Variants in NUGGC observed in about 807,000 individuals in gnomAD.
NUGGC encodes nuclear GTPase, germinal center associated, also known as nuclear GTPase SLIP-GC.
In NUGGC, 58 loss-of-function variants were observed where a neutral mutation model predicts 92.6. The observed-to-expected ratio is 0.63, with a 90% CI of 0.51 to 0.78. NUGGC has a LOEUF of 0.78. NUGGC is among the 30% of genes least tolerant of loss of function. The pLI, the probability that NUGGC is intolerant of heterozygous loss-of-function variation, is 0.00. For missense variants in NUGGC, 925 were observed against 964.6 expected (o/e 0.96, Z 0.54); for synonymous variants, 376 against 366.4 (o/e 1.03, Z -0.30).
In NUGGC at chr8:28,023,269, C is replaced by T. The variant is rs186710959; in HGVS notation, c.*48G>A. 67 of 1,574,600 alleles carry T rather than the reference C, an allele frequency of 4.3e-5. 1 individual carries two copies. The Middle Eastern group carries it at 5.1e-4, about 12-fold the overall frequency. On this transcript the variant is annotated 3_prime_UTR_variant, in exon 19 of 19. Coordinates refer to ENST00000413272, the MANE Select transcript of NUGGC (RefSeq NM_001010906.2). ...AAGAACAAAAAAAGTAATTCTAATT[C>T]TCTGGCTCTGGGCTGATTTTTCATC...
intron 1 of NUGGC, among the ~76,000 whole-genome samples, chr8:28,083,026 C>A (rs1017295769): frequency 2.0e-5 from 3 of 152,148 alleles, no homozygotes; most frequent in Non-Finnish European, 4.4e-5. Context: ...GTCCCATATA[C>A]AGAAGAATTC....
At position 28,032,628 on chromosome 8, in the gene NUGGC, G is replaced by A. The variant is rs548402983; in HGVS notation, c.1769+912C>T. 5.3e-5 allele frequency among the ~76,000 whole-genome samples: 8 copies of A among 151,072 alleles called. No individual in the cohort carries two copies. The East Asian group carries it at 1.6e-3, about 30-fold the overall frequency. On this transcript the variant is annotated intron_variant, in intron 14 of 18. Transcript: ENST00000413272. ...AGCTACTCGGGAGGCTGAGGCAGGA[G>A]AATGGTGTGAACCCAGGAGGCAGAG...
chr8:28,027,093 C>T (rs1563212605), intron 17 of NUGGC, 41 bp from the exon 18 acceptor site: 1 of 1,492,264 alleles, frequency 6.7e-7, no homozygotes, highest in African/African-American at 1.4e-5. Flanking sequence ...ATGGTGCAGC[C>T]CAAGGAAAAG....
chr8:28,064,581 G>C lies in NUGGC; in HGVS notation c.862C>G (p.Leu288Val). The stretch of plus-strand genomic sequence containing the variant: ...TCGCCTGTGCCTGGGATGTCCACCA[G>C]CACGACCCCTTCTGGGATCAGGTCG... ...KSDLIPEGVV[L>V]VDIPGTGDFN... Residue 288 changes from leucine to valine, a missense_variant, in exon 7 of 19, where the codon CTG (leucine) becomes GTG (valine). Leu to Val is a conservative substitution (Grantham distance 32, BLOSUM62 1). Transcript: ENST00000413272. The C allele has an allele frequency of 6.2e-7, 1 of 1,614,034 alleles. No individual in the cohort carries two copies. Among genetic ancestry groups the C allele is most frequent in the Non-Finnish European group, 8.5e-7 (1 of 1,179,902 alleles).
intron 3 of NUGGC, 90 bp downstream of exon 3, chr8:28,070,162 T>C (rs1245674746): frequency 6.8e-7 from 1 of 1,479,772 alleles, no homozygotes; most frequent in East Asian, 2.5e-5. Flanking sequence ...TTCATCCAGC[T>C]TCAGAATTTA....
At chr8:28,072,406 T>C (rs979166950) in intron 2 of NUGGC, among the ~76,000 whole-genome samples, 1 of 152,162 alleles carries the variant, frequency 6.6e-6, no homozygotes, top group Non-Finnish European at 1.5e-5. Context: ...CGAAAAAGCA[T>C]CTCAGAACTC....
At chr8:28,034,899 C>T (rs760337766) in intron 13 of NUGGC, among the ~76,000 whole-genome samples, 3 of 152,186 alleles carry the variant, frequency 2.0e-5, no homozygotes, top group East Asian at 1.9e-4. Context: ...TTACCTCTCT[C>T]TTGTTCTTAG....
chr8:28,062,877 G>A (rs1175943094), intron 7 of NUGGC, among the ~76,000 whole-genome samples: 1 of 152,196 alleles, frequency 6.6e-6, no homozygotes, highest in Non-Finnish European at 1.5e-5. Context: ...CCACTGCCAG[G>A]GTTTGGTAAA....
intron 13 of NUGGC, among the ~76,000 whole-genome samples, chr8:28,035,244 CTATCTAAGGTCACTTCTT>C (rs1258073348): frequency 2.6e-5 from 4 of 152,160 alleles, no homozygotes; most frequent in Non-Finnish European, 4.4e-5. Flanking sequence ...AGAAACAGCT[CTATCTAAGGTCACTTCTT>C]TATCTATTGC....
intron 12 of NUGGC, among the ~76,000 whole-genome samples, chr8:28,042,594 C>T (rs1809727963): frequency 6.6e-6 from 1 of 152,216 alleles, no homozygotes; most frequent in South Asian, 2.1e-4. Context: ...CACTGCACTT[C>T]CCACAGTCCT....
intron 13 of NUGGC, among the ~76,000 whole-genome samples, chr8:28,035,767 G>A (rs1363938640): frequency 6.6e-6 from 1 of 152,226 alleles, no homozygotes; most frequent in African/African-American, 2.4e-5. Context: ...TGTGGTGGCT[G>A]CCTAGCACAG....
intron 8 of NUGGC, 103 bp downstream of exon 8, chr8:28,060,323 C>T (rs1310776782): frequency 2.6e-6 from 3 of 1,132,734 alleles, no homozygotes; most frequent in Non-Finnish European, 3.9e-6. Context: ...TTCCTGAAGC[C>T]CTCTAACCAC....
Position 28,031,284 on chromosome 8 carries a change from A to G in NUGGC, c.1867T>C (p.Trp623Arg). 6.2e-7 allele frequency: 1 copy of G among 1,614,034 alleles called. No individual in the cohort carries two copies. Among genetic ancestry groups the G allele is most frequent in the South Asian group, 1.1e-5 (1 of 91,086 alleles). The change falls in exon 15 of 19, where the codon TGG becomes CGG. Residue 623 changes from tryptophan (W) to arginine (R), a missense_variant. Physicochemically the swap from Trp to Arg is moderately radical, Grantham distance 101. Transcript: ENST00000413272. ...KMTEIGIRSG[W>R]KYDSCKKNFL... is the part of the protein sequence containing the mutation. ...TTTTTTTTGCAGCTATCATATTTCCAGCCACTTCTTATCCCAATTTCTGTC... is the reference window on the plus strand; with the variant it reads ...TTTTTTTTGCAGCTATCATATTTCCGGCCACTTCTTATCCCAATTTCTGTC...
intron 2 of NUGGC, among the ~76,000 whole-genome samples, chr8:28,072,812 T>C (rs139404607): frequency 1.5e-4 from 23 of 152,174 alleles, no homozygotes; most frequent in African/African-American, 5.1e-4. Flanking sequence ...TTATTATTCT[T>C]GTCCATCGCT....
At position 28,083,779 on chromosome 8, in the gene NUGGC, T is replaced by A. The variant is rs1661846373; in HGVS notation, c.-51A>T. 1.3e-5 allele frequency: 2 copies of A among 150,612 alleles called. No homozygotes were observed. The highest frequency in any genetic ancestry group is 4.2e-4 in the South Asian group (2 of 4,764). 9.3% of individuals were successfully genotyped at this position (150,612 alleles called of 1,614,324 possible). The stretch of plus-strand genomic sequence containing the variant: ...TACATAAAAGAAACAACTTACCAGA[T>A]GTCACTGAACAGAAAAAAAAAAAAA... On this transcript the variant is annotated 5_prime_UTR_variant, in exon 1 of 19. Coordinates refer to ENST00000413272, the MANE Select transcript of NUGGC (RefSeq NM_001010906.2).
chr8:28,024,977 C>T (rs1809220218), intron 18 of NUGGC, among the ~76,000 whole-genome samples: 1 of 152,210 alleles, frequency 6.6e-6, no homozygotes, highest in African/African-American at 2.4e-5. Flanking sequence ...GTCCCACCAC[C>T]CTGTCCCGTA....
At chr8:28,060,280 C>T (rs1235491757) in intron 8 of NUGGC, 146 bp downstream of exon 8, 14 of 836,200 alleles carry the variant, frequency 1.7e-5, no homozygotes, top group Non-Finnish European at 2.8e-5. Context: ...CCCAGGAAGT[C>T]ACCCAGCCTT....
intron 6 of NUGGC, among the ~76,000 whole-genome samples, chr8:28,067,096 G>A (rs758499102): frequency 2.0e-5 from 3 of 152,168 alleles, no homozygotes; most frequent in Admixed American, 6.5e-5. Context: ...CAATGGGGGC[G>A]ACGGAAGGCA....
chr8:28,057,330 CTT>C (rs57167648), intron 9 of NUGGC, among the ~76,000 whole-genome samples: 1,505 of 123,990 alleles, frequency 0.012, 23 homozygotes, highest in African/African-American at 0.043. Flanking sequence ...ATTTTCTTTC[CTT>C]TTTTTTTTTT....
Sources: gnomAD v4.1 joint callset for allele counts (sites outside exome capture counted in the v4.1 genomes callset) on GRCh38, gnomAD v4.1.1 for gene constraint, MANE v1.5 for transcripts, NCBI Gene and HGNC (gene_info 2026-07-23, HGNC 2026-07-21) for gene names.